The following TUSC3 variants were observed in gnomAD, a reference collection of about 807,000 sequenced individuals.
The protein encoded by TUSC3 is dolichyl-diphosphooligosaccharide--protein glycosyltransferase subunit TUSC3.
A neutral mutation model predicts 44.8 loss-of-function variants in TUSC3; 45 were observed. The ratio of observed to expected loss-of-function variants is 1.00; its 90% CI spans 0.79 to 1.29. The LOEUF (loss-of-function observed/expected upper bound fraction) is 1.29. TUSC3 is among the 50% of genes most tolerant of loss of function. The pLI is 0.00. For missense variants in TUSC3, 519 were observed against 437.9 expected (o/e 1.19, Z -1.65); for synonymous variants, 212 against 152.9 (o/e 1.39, Z -2.85).
At chr8:15,807,019 G>T in the TUSC3 span, 2 of 1,434,550 alleles carry the variant, frequency 1.4e-6, no homozygotes. Flanking sequence ...AGGTGCTCCT[G>T]CAGACCCTGT....
At chr8:15,786,676 G>A in the TUSC3 span, among the ~76,000 whole-genome samples, 3 of 152,084 alleles carry the variant, frequency 2.0e-5, no homozygotes, top group South Asian at 2.1e-4. Context: ...CAGGCATGGT[G>A]TCTCACGCCT....
At chr8:15,720,065 C>G (rs956959567) in intron 6 of TUSC3, among the ~76,000 whole-genome samples, 1 of 152,042 alleles carries the variant, frequency 6.6e-6, no homozygotes, top group African/African-American at 2.4e-5. Flanking sequence ...ACTAGAGGCA[C>G]TTGCCACCAC....
At chr8:15,456,185 A>G (rs561811088) in intron 1 of TUSC3, among the ~76,000 whole-genome samples, 4 of 152,240 alleles carry the variant, frequency 2.6e-5, no homozygotes, top group South Asian at 4.1e-4. Context: ...ACAGCCTTCA[A>G]TGAGATTGAT....
intron 1 of TUSC3, among the ~76,000 whole-genome samples, chr8:15,609,845 T>C (rs1804688355): frequency 6.6e-6 from 1 of 152,110 alleles, no homozygotes; most frequent in Admixed American, 6.6e-5. Flanking sequence ...TACATGACTT[T>C]ATGACCTATC....
chr8:15,734,746 A>C (rs1483176613), intron 7 of TUSC3, among the ~76,000 whole-genome samples: 3 of 152,234 alleles, frequency 2.0e-5, no homozygotes, highest in Non-Finnish European at 4.4e-5. Flanking sequence ...TGGATATTGA[A>C]GTATAAAAAG....
the TUSC3 span, among the ~76,000 whole-genome samples, chr8:15,841,479 A>T: frequency 6.6e-6 from 1 of 152,154 alleles, no homozygotes; most frequent in Non-Finnish European, 1.5e-5. Flanking sequence ...TATACTAATT[A>T]TAATGCAAAG....
At chr8:15,735,508 C>G (rs1211086248) in intron 7 of TUSC3, among the ~76,000 whole-genome samples, 1 of 152,130 alleles carries the variant, frequency 6.6e-6, no homozygotes, top group Non-Finnish European at 1.5e-5. Context: ...TAAAGCCAAT[C>G]AGTTGAAGAG....
At chr8:15,679,537 G>A (rs1002421712) in intron 6 of TUSC3, among the ~76,000 whole-genome samples, 18 of 152,062 alleles carry the variant, frequency 1.2e-4, no homozygotes, top group African/African-American at 4.1e-4. Flanking sequence ...CTCCTGTTGT[G>A]TAGGTTGTCA....
chr8:15,770,339 A>C (rs1351067097), downstream of TUSC3, among the ~76,000 whole-genome samples: 2 of 152,152 alleles, frequency 1.3e-5, no homozygotes, highest in East Asian at 1.9e-4. Flanking sequence ...GTTCTCACTC[A>C]TAAGTGAGAG....
chr8:15,585,601 C>T (rs542066044), intron 1 of TUSC3, among the ~76,000 whole-genome samples: 1 of 152,266 alleles, frequency 6.6e-6, no homozygotes, highest in Admixed American at 6.5e-5. Context: ...ACCCTGTCTT[C>T]CTAATGTGCC....
At chr8:15,455,637 T>TA (rs2129121037) in intron 1 of TUSC3, among the ~76,000 whole-genome samples, 1 of 152,296 alleles carries the variant, frequency 6.6e-6, no homozygotes, top group Non-Finnish European at 1.5e-5. Context: ...AATAGGCTTC[T>TA]AGCCAATGAG....
chr8:15,661,297 C>T (rs1585203983), intron 4 of TUSC3, among the ~76,000 whole-genome samples: 1 of 152,006 alleles, frequency 6.6e-6, no homozygotes, highest in Admixed American at 6.6e-5. Flanking sequence ...AAGATTTGGT[C>T]TAGAGTTAGA....
At chr8:15,507,814 T>C (rs1193318233) in intron 2 of TUSC3, among the ~76,000 whole-genome samples, 4 of 150,876 alleles carry the variant, frequency 2.7e-5, no homozygotes, top group East Asian at 1.9e-4. Flanking sequence ...TATAGTTAAA[T>C]AAAAAAAAGG....
intron 2 of TUSC3, among the ~76,000 whole-genome samples, chr8:15,634,211 G>A (rs1805959705): frequency 6.6e-6 from 1 of 152,126 alleles, no homozygotes; most frequent in Admixed American, 6.5e-5. Flanking sequence ...TACAATTATT[G>A]AGGTCTTCCA....
chr8:15,573,756 G>T (rs893349675), intron 1 of TUSC3, among the ~76,000 whole-genome samples: 5 of 152,090 alleles, frequency 3.3e-5, no homozygotes, highest in African/African-American at 9.7e-5. Context: ...CCTCAGGGAA[G>T]CCCTGCTTCT....
the TUSC3 span, among the ~76,000 whole-genome samples, chr8:15,801,252 A>G: frequency 4.6e-5 from 7 of 152,156 alleles, no homozygotes; most frequent in African/African-American, 1.7e-4. Context: ...TGACGCTGCC[A>G]TGGCATTTGT....
the TUSC3 span, among the ~76,000 whole-genome samples, chr8:15,850,252 G>C: frequency 6.6e-6 from 1 of 151,832 alleles, no homozygotes; most frequent in Non-Finnish European, 1.5e-5. Context: ...TGTAACATTA[G>C]TATCCATATA....
At chr8:15,577,631 C>T (rs1450605011) in intron 1 of TUSC3, among the ~76,000 whole-genome samples, 34 of 146,738 alleles carry the variant, frequency 2.3e-4, no homozygotes, top group African/African-American at 6.8e-4. Context: ...TGTAGATATG[C>T]GGTGTTATTT....
the TUSC3 span, among the ~76,000 whole-genome samples, chr8:15,828,186 G>A: frequency 2.6e-5 from 4 of 152,008 alleles, no homozygotes; most frequent in African/African-American, 7.2e-5. Flanking sequence ...GTAGATACTG[G>A]ATTTCTCCAT....
Sources: allele counts gnomAD v4.1 joint callset (sites outside exome capture counted in the v4.1 genomes callset), GRCh38; gene constraint gnomAD v4.1.1; transcripts MANE v1.5; gene names NCBI Gene and HGNC (gene_info 2026-07-23, HGNC 2026-07-21).